The following PRKCSH variants were observed in gnomAD, a reference collection of about 807,000 sequenced individuals.
PRKCSH encodes the protein glucosidase 2 subunit beta.
PRKCSH carries 42 observed loss-of-function variants against 79.7 expected under a neutral mutation model. That is an observed-to-expected ratio of 0.53 (90% confidence interval 0.41 to 0.68). The LOEUF (loss-of-function observed/expected upper bound fraction) is 0.68, where lower values mean the gene tolerates loss of function less well. Among genes scored for constraint, PRKCSH ranks in the 30% least tolerant of loss-of-function variants. PRKCSH has a pLI of 0.00. For synonymous variants in PRKCSH, 325 were observed against 288.2 expected (o/e 1.13, Z -1.29); for missense variants, 686 against 709.0 (o/e 0.97, Z 0.37).
In PRKCSH at chr19:11,447,925, A is replaced by G; in HGVS notation, c.1126+136A>G. The G allele has an allele frequency of 9.0e-7, 1 of 1,110,876 alleles. No individual in the cohort carries two copies. The highest frequency in any genetic ancestry group is 1.3e-6 in the Non-Finnish European group (1 of 794,156). 68.8% of individuals were successfully genotyped at this position (1,110,876 alleles called of 1,614,324 possible). On this transcript the variant is annotated intron_variant, in intron 12 of 17. Transcript: ENST00000677123. This position sits in a 1 kb window ranked among gnomAD's most constrained non-coding sequence, Gnocchi z 5.6. Reference sequence around the variant, plus strand: ...CAAGCCCCAGTATCTTGGGGAGTCCAGGAAGGGGGCCTAGGGTAAGCCAGT... The same window carrying G: ...CAAGCCCCAGTATCTTGGGGAGTCCGGGAAGGGGGCCTAGGGTAAGCCAGT...
Position 11,436,198 on chromosome 19 carries a change from T to C in PRKCSH, c.79+2T>C. The C allele has an allele frequency of 6.3e-7, 1 of 1,587,480 alleles. No homozygotes were observed. The highest frequency in any genetic ancestry group is 8.6e-7 in the Non-Finnish European group (1 of 1,167,692). Reference sequence around the variant, plus strand: ...GGCCCCGGGGCGTCTCCCTCACCAGTGAGTCCTCCTGTTCACCCTCCCGCC... The same window carrying C: ...GGCCCCGGGGCGTCTCCCTCACCAGCGAGTCCTCCTGTTCACCCTCCCGCC... On this transcript the variant is annotated splice_donor_variant, in intron 2 of 17. Transcript: ENST00000677123. LOFTEE classifies it high-confidence loss of function.
intron 5 of PRKCSH, among the ~76,000 whole-genome samples, chr19:11,440,469 TAG>T (rs1371517324): frequency 7.1e-6 from 1 of 141,758 alleles, no homozygotes; most frequent in African/African-American, 2.7e-5. Context: ...TTTTTTGAGT[TAG>T]AGTCTCGCTC....
In PRKCSH at chr19:11,436,121, C is replaced by A. The variant is rs1599477421; in HGVS notation, c.4C>A (p.Leu2Met). 1.9e-6 allele frequency: 3 copies of A among 1,608,410 alleles called. No homozygotes were observed. The highest frequency in any genetic ancestry group is 2.7e-5 in the African/African-American group (2 of 74,874). Reference protein sequence around the residue: MLLPLLLLLPMC... With the variant: MMLPLLLLLPMC... Reference sequence around the variant, plus strand: ...GGGCCTCAGAGCGTCTGGTGAGATGCTGTTGCCGCTGCTGCTGCTGCTACC... The same window carrying A: ...GGGCCTCAGAGCGTCTGGTGAGATGATGTTGCCGCTGCTGCTGCTGCTACC... The change falls in exon 2 of 18, where the codon CTG (leucine) becomes ATG (methionine). Residue 2 changes from leucine (L) to methionine (M), a missense_variant. Physicochemically the swap from Leu to Met is conservative, Grantham distance 15. Coordinates refer to ENST00000677123, the MANE Select transcript of PRKCSH (RefSeq NM_001289104.2).
At chr19:11,436,327 G>C (rs748710907) in intron 2 of PRKCSH, 62 bp from the exon 3 acceptor site, 8 of 1,577,690 alleles carry the variant, frequency 5.1e-6, no homozygotes, top group East Asian at 4.5e-5. Context: ...TGGGAGGACA[G>C]AGGTGGTATT....
At position 11,448,459 on chromosome 19, in the gene PRKCSH, C is replaced by T. The variant is rs1199398032; in HGVS notation, c.1197-81C>T. The T allele has an allele frequency of 2.4e-5, 35 of 1,480,212 alleles. No individual in the cohort carries two copies. In the East Asian group the frequency reaches 7.2e-4, roughly 31 times the overall value. The allele number at this position is 1,480,212 out of a possible 1,614,324, so 91.7% of individuals were successfully genotyped here. ...GGACAGCCTGGGCACCATTGCTCAG[C>T]CAGACCCTCCTGTGTCTGTCGTCCT... On this transcript the variant is annotated intron_variant, in intron 13 of 17. Transcript: ENST00000677123. The surrounding 1 kb of genome is among the most constrained non-coding windows in gnomAD (Gnocchi z 4.4).
rs1378860321 is a variant in PRKCSH at position 11,438,140 on chromosome 19, T to C, written c.350+16T>C. On this transcript the variant is annotated intron_variant, in intron 5 of 17. Coordinates refer to ENST00000677123, the MANE Select transcript of PRKCSH (RefSeq NM_001289104.2). Reference sequence around the variant, plus strand: ...ACACCTGCAAGTACGTGGGTGACAGTACCCCTCCCATCACCCCACCCCAAG... The same window carrying C: ...ACACCTGCAAGTACGTGGGTGACAGCACCCCTCCCATCACCCCACCCCAAG... 1.2e-6 allele frequency: 2 copies of C among 1,613,616 alleles called. No homozygotes were observed. The highest frequency in any genetic ancestry group is 2.2e-5 in the South Asian group (2 of 91,018).
Position 11,436,104 on chromosome 19 carries a change from G to C in PRKCSH, c.-14G>C. The C allele has an allele frequency of 3.1e-6, 5 of 1,607,682 alleles. No homozygotes were observed. Among genetic ancestry groups the C allele is most frequent in the Non-Finnish European group, 4.2e-6 (5 of 1,179,912 alleles). On this transcript the variant is annotated 5_prime_UTR_variant, in exon 2 of 18. Transcript: ENST00000677123. The stretch of plus-strand genomic sequence containing the variant: ...CCCACAGAACCCGTTTCGGGCCTCA[G>C]AGCGTCTGGTGAGATGCTGTTGCCG...
At chr19:11,437,605 G>T (rs563467633) in intron 3 of PRKCSH, among the ~76,000 whole-genome samples, 2 of 152,108 alleles carry the variant, frequency 1.3e-5, no homozygotes, top group African/African-American at 4.8e-5. Flanking sequence ...CACCCGCCTC[G>T]GCCTCCCAAA....
In PRKCSH at chr19:11,440,751, C is replaced by T. The variant is rs571536035; in HGVS notation, c.351-489C>T. ...TACAGGCATGAGCCACCACGCCCAGCCAACCAACACACTTAGTAACCAGAT... is the reference window on the plus strand; with the variant it reads ...TACAGGCATGAGCCACCACGCCCAGTCAACCAACACACTTAGTAACCAGAT... On this transcript the variant is annotated intron_variant, in intron 5 of 17. Transcript: ENST00000677123. Among the ~76,000 whole-genome samples the T allele has an allele frequency of 2.6e-3, 398 of 152,340 alleles. 6 individuals are homozygous for T. The highest frequency in any genetic ancestry group is 6.2e-4 in the Non-Finnish European group (42 of 68,026).
chr19:11,435,932 C>T, intron 1 of PRKCSH, 109 bp from the exon 2 acceptor site: 1 of 953,782 alleles, frequency 1.0e-6, no homozygotes. Context: ...CTGCCCCTCG[C>T]CCCCATATCG....
In PRKCSH at chr19:11,449,541, C is replaced by CT; in HGVS notation, c.*16+119dup. The CT allele has an allele frequency of 6.9e-7, 1 of 1,440,608 alleles. No homozygotes were observed. Among genetic ancestry groups the CT allele is most frequent in the South Asian group, 1.2e-5 (1 of 83,494 alleles). 89.2% of individuals were successfully genotyped at this position (1,440,608 alleles called of 1,614,324 possible). A position where few individuals can be genotyped will look rare whatever the true frequency, so the allele number is the denominator to read the frequency against. On this transcript the variant is annotated intron_variant, in intron 17 of 17. Coordinates refer to ENST00000677123, the MANE Select transcript of PRKCSH (RefSeq NM_001289104.2). This position sits in a 1 kb window ranked among gnomAD's most constrained non-coding sequence, Gnocchi z 6.4. ...TCAACCTGTGTCCCCATGTTCCCTGCTTTTTTGTTTTGTTTTTTTGAGGTG... is the reference window on the plus strand; with the variant it reads ...TCAACCTGTGTCCCCATGTTCCCTGCTTTTTTTGTTTTGTTTTTTTGAGGTG...
rs766415008 is a variant in PRKCSH at position 11,436,195 on chromosome 19, C to T, written c.78C>T (p.Thr26=). 6.3e-7 allele frequency: 1 copy of T among 1,588,324 alleles called. No individual in the cohort carries two copies. Among genetic ancestry groups the T allele is most frequent in the Non-Finnish European group, 8.6e-7 (1 of 1,168,134 alleles). The part of the protein sequence containing the change: ...EVKRPRGVSL[T]NHHFYDESKP... ...AGAGGCCCCGGGGCGTCTCCCTCAC[C>T]AGTGAGTCCTCCTGTTCACCCTCCC... Residue 26 remains threonine (T), a splice_region_variant and synonymous_variant, in exon 2 of 18, where the codon ACC becomes ACT. Coordinates refer to ENST00000677123, the MANE Select transcript of PRKCSH (RefSeq NM_001289104.2).
At chr19:11,438,339 A>G (rs1969881596) in intron 5 of PRKCSH, among the ~76,000 whole-genome samples, 1 of 152,182 alleles carries the variant, frequency 6.6e-6, no homozygotes, top group East Asian at 1.9e-4. Flanking sequence ...AAGTTTAGAA[A>G]GGGAAATGAC....
rs143936796 is a variant in PRKCSH at position 11,436,201 on chromosome 19, GTCC to G, written c.79+10_79+12del. On this transcript the variant is annotated splice_donor_region_variant and intron_variant, in intron 2 of 17. Coordinates refer to ENST00000677123, the MANE Select transcript of PRKCSH (RefSeq NM_001289104.2). ...CCCGGGGCGTCTCCCTCACCAGTGA[GTCC>G]TCCTGTTCACCCTCCCGCCAGGCTG... The G allele has an allele frequency of 0.037, 58,033 of 1,583,422 alleles. 1,282 individuals carry two copies. The highest frequency in any genetic ancestry group is 0.046 in the Admixed American group (2,556 of 55,140).
At chr19:11,441,178 G>A in intron 5 of PRKCSH, 62 bp from the exon 6 acceptor site, 1 of 1,545,872 alleles carries the variant, frequency 6.5e-7, no homozygotes, top group Non-Finnish European at 8.9e-7. Context: ...TATTTTGGAA[G>A]AGGCAGACCT....
intron 3 of PRKCSH, 151 bp downstream of exon 3, chr19:11,436,656 G>T: frequency 1.4e-6 from 1 of 709,654 alleles, no homozygotes; most frequent in South Asian, 1.6e-5. Context: ...TATGGCCCCG[G>T]GCAGCTGGAG....
In PRKCSH at chr19:11,436,178, C is replaced by G; in HGVS notation, c.61C>G (p.Arg21Gly). Residue 21 changes from arginine (R) to glycine (G), a missense_variant, in exon 2 of 18, where the codon CGG becomes GGG. This residue lies in a region of PRKCSH where 549 missense variants were observed against 520.2 expected (regional missense o/e 1.06). Coordinates refer to ENST00000677123, the MANE Select transcript of PRKCSH (RefSeq NM_001289104.2). ...MCWAVEVKRP[R>G]GVSLTNHHFY... ...CTGGGCCGTGGAGGTCAAGAGGCCC[C>G]GGGGCGTCTCCCTCACCAGTGAGTC... 6.3e-7 allele frequency: 1 copy of G among 1,590,852 alleles called. No homozygotes were observed.
chr19:11,436,566 T>G, intron 3 of PRKCSH, 61 bp downstream of exon 3: 1 of 1,337,780 alleles, frequency 7.5e-7, no homozygotes, highest in South Asian at 1.2e-5. Flanking sequence ...TGCCAGGCCC[T>G]GTCTGTGTGA....
chr19:11,448,902 G>C lies in PRKCSH; in HGVS notation c.1287-12G>C, dbSNP rs199500982. 4 of 1,614,078 alleles carry C rather than the reference G, an allele frequency of 2.5e-6. No homozygotes were observed. The highest frequency in any genetic ancestry group is 1.3e-5 in the African/African-American group (1 of 75,022). On this transcript the variant is annotated splice_polypyrimidine_tract_variant and intron_variant, in intron 14 of 17. Transcript: ENST00000677123. The surrounding 1 kb of genome is among the most constrained non-coding windows in gnomAD (Gnocchi z 4.4). ...CTGCGTTCCCCAACCCATATGTCCC[G>C]GTCCTCCACAGATACGTCTACCGCC...
Sources: gnomAD v4.1 joint callset for allele counts (sites outside exome capture counted in the v4.1 genomes callset) on GRCh38, gnomAD v4.1.1 for gene constraint, gnomAD v4.1.1 regional missense constraint, Gnocchi (gnomAD v3.1) non-coding constraint, MANE v1.5 for transcripts, NCBI Gene and HGNC (gene_info 2026-07-23, HGNC 2026-07-21) for gene names.